The following DLG2 variants were observed in gnomAD, a reference collection of about 807,000 sequenced individuals.
The protein encoded by DLG2 is disks large homolog 2.
Under a neutral mutation model 132.5 loss-of-function variants are expected in DLG2, and 45 were observed. That is an observed-to-expected ratio of 0.34 (90% CI 0.27 to 0.44). The LOEUF (loss-of-function observed/expected upper bound fraction) is 0.44. DLG2 is among the 20% of genes least tolerant of loss of function. DLG2 has a pLI of 1.00. For synonymous variants in DLG2, 424 were observed against 419.6 expected (o/e 1.01, Z -0.13); for missense variants, 1,045 against 1,196.9 (o/e 0.87, Z 1.87).
intron 4 of DLG2, among the ~76,000 whole-genome samples, chr11:85,273,485 C>G (rs936351127): frequency 6.6e-6 from 1 of 152,150 alleles, no homozygotes; most frequent in Admixed American, 6.5e-5. Context: ...ATCTATGTAG[C>G]CAACAGACAC....
At chr11:85,280,113 A>G (rs1188336720) in intron 4 of DLG2, among the ~76,000 whole-genome samples, 2 of 151,726 alleles carry the variant, frequency 1.3e-5, no homozygotes, top group Admixed American at 6.6e-5. Flanking sequence ...TTTTCAAAGC[A>G]TATATATATA....
chr11:83,786,641 A>T (rs1357170429), intron 18 of DLG2, 49 bp downstream of exon 18: 2 of 1,492,096 alleles, frequency 1.3e-6, no homozygotes, highest in Admixed American at 3.3e-5. Context: ...GAGGGTACAG[A>T]TCCACACAGA....
chr11:84,895,277 C>T (rs189965378), intron 6 of DLG2, among the ~76,000 whole-genome samples: 113 of 152,094 alleles, frequency 7.4e-4, no homozygotes, highest in Non-Finnish European at 1.2e-3. Context: ...CACATTGATG[C>T]TATTTTAAAA....
At chr11:83,587,700 G>T (rs1049418681) in intron 19 of DLG2, among the ~76,000 whole-genome samples, 2 of 152,300 alleles carry the variant, frequency 1.3e-5, no homozygotes, top group East Asian at 3.9e-4. Context: ...CGCAGAAGAC[G>T]GGTGATTTCT....
In DLG2 at chr11:83,524,235, A is replaced by G. The variant is rs189550227; in HGVS notation, c.2193+8473T>C. Among the ~76,000 whole-genome samples the G allele has an allele frequency of 7.0e-4, 107 of 152,282 alleles. 2 individuals are homozygous for G. Among genetic ancestry groups the G allele is most frequent in the Admixed American group, 7.0e-3 (107 of 15,288 alleles). On this transcript the variant is annotated intron_variant, in intron 21 of 27. Transcript: ENST00000376104. ...GAGTTGGTTATTCTGTCTGATTCCA[A>G]ACTTTTCCACTGTGCCTGTGTATCT...
At chr11:84,353,890 T>C (rs1201411124) in intron 7 of DLG2, among the ~76,000 whole-genome samples, 5 of 152,198 alleles carry the variant, frequency 3.3e-5, no homozygotes, top group Non-Finnish European at 7.3e-5. Context: ...GTTTAATTTA[T>C]GTTAGATCTT....
intron 16 of DLG2, among the ~76,000 whole-genome samples, chr11:83,851,176 C>G (rs1295740120): frequency 7.7e-6 from 1 of 129,996 alleles, no homozygotes; most frequent in East Asian, 2.3e-4. Flanking sequence ...GACTCCGTCT[C>G]AAAAAAAAAA....
intron 7 of DLG2, among the ~76,000 whole-genome samples, chr11:84,470,098 A>T (rs2099104832): frequency 6.6e-6 from 1 of 151,808 alleles, no homozygotes; most frequent in Non-Finnish European, 1.5e-5. Flanking sequence ...AGTGTGATAT[A>T]ATCTTATAGG....
chr11:85,552,628 G>T (rs2076729072), intron 3 of DLG2, among the ~76,000 whole-genome samples: 1 of 151,306 alleles, frequency 6.6e-6, no homozygotes, highest in Admixed American at 6.6e-5. Context: ...CTTCTAAAAA[G>T]GCATTAACAT....
chr11:85,030,656 C>G (rs1412535999), intron 6 of DLG2, among the ~76,000 whole-genome samples: 1 of 152,094 alleles, frequency 6.6e-6, no homozygotes, highest in East Asian at 1.9e-4. Context: ...GAAATCGCTG[C>G]CAACTTTCGT....
intron 23 of DLG2, 150 bp downstream of exon 23, chr11:83,472,577 T>A: frequency 1.6e-6 from 1 of 636,000 alleles, no homozygotes; most frequent in Non-Finnish European, 2.7e-6. Context: ...AGAGAGAAAG[T>A]GAGAGACAGC....
intron 21 of DLG2, among the ~76,000 whole-genome samples, chr11:83,495,662 A>G (rs1423319618): frequency 1.3e-5 from 2 of 152,128 alleles, no homozygotes; most frequent in Non-Finnish European, 2.9e-5. Context: ...GCTCTCCCCA[A>G]AACAATATTT....
chr11:85,248,848 G>A (rs1022139003), intron 4 of DLG2, among the ~76,000 whole-genome samples: 3 of 152,026 alleles, frequency 2.0e-5, no homozygotes, highest in Admixed American at 6.6e-5. Flanking sequence ...ATAGGGTCTG[G>A]TAACCAAAGT....
intron 3 of DLG2, among the ~76,000 whole-genome samples, chr11:85,380,148 C>A (rs917792191): frequency 7.2e-6 from 1 of 138,436 alleles, no homozygotes; most frequent in African/African-American, 2.7e-5. Context: ...CCTAGCTGTG[C>A]TAGACCCTAG....
intron 7 of DLG2, among the ~76,000 whole-genome samples, chr11:84,312,299 T>A (rs569035351): frequency 6.6e-6 from 1 of 152,026 alleles, no homozygotes; most frequent in East Asian, 1.9e-4. Flanking sequence ...TGAAACCCCA[T>A]CTCTAATAAA....
chr11:84,018,413 CT>C (rs2095284657), intron 11 of DLG2, among the ~76,000 whole-genome samples: 1 of 151,894 alleles, frequency 6.6e-6, no homozygotes, highest in South Asian at 2.1e-4. Flanking sequence ...CAATGCCTTT[CT>C]TATATAAGCT....
chr11:83,484,548 T>G (rs969930055), intron 21 of DLG2, among the ~76,000 whole-genome samples: 5 of 152,170 alleles, frequency 3.3e-5, no homozygotes, highest in African/African-American at 1.2e-4. Context: ...GTCTTGCTAG[T>G]TCATCACCTT....
At chr11:83,917,561 A>G (rs1436958234) in intron 15 of DLG2, among the ~76,000 whole-genome samples, 2 of 152,214 alleles carry the variant, frequency 1.3e-5, no homozygotes, top group African/African-American at 4.8e-5. Context: ...AAAAAATCCC[A>G]GGGGAAACTA....
At chr11:83,809,750 A>C (rs537648144) in intron 17 of DLG2, among the ~76,000 whole-genome samples, 1 of 152,262 alleles carries the variant, frequency 6.6e-6, no homozygotes, top group East Asian at 1.9e-4. Flanking sequence ...AGTATGAAAT[A>C]AGTACTGAAA....
Sources: gnomAD v4.1 joint callset for allele counts (sites outside exome capture counted in the v4.1 genomes callset) on GRCh38, gnomAD v4.1.1 for gene constraint, MANE v1.5 for transcripts, NCBI Gene and HGNC (gene_info 2026-07-23, HGNC 2026-07-21) for gene names.